The following ASTN1 variants were observed in gnomAD, a reference collection of about 807,000 sequenced individuals.
ASTN1 encodes astrotactin-1.
A neutral mutation model predicts 140.7 loss-of-function variants in ASTN1; 41 were observed. The observed-to-expected ratio is 0.29, with a 90% CI of 0.23 to 0.38. ASTN1 has a LOEUF of 0.38. ASTN1 is among the 10% of genes least tolerant of loss of function. The pLI is 1.00. For missense variants in ASTN1, 1,479 were observed against 1,678.8 expected (o/e 0.88, Z 2.08); for synonymous variants, 640 against 652.2 (o/e 0.98, Z 0.29).
At chr1:176,943,003 T>C (rs78097494) in intron 14 of ASTN1, among the ~76,000 whole-genome samples, 4,296 of 151,068 alleles carry the variant, frequency 0.028, 193 homozygotes, top group African/African-American at 0.098. Flanking sequence ...ACTTTCTAAA[T>C]TAACTGAGAC....
chr1:176,933,492 T>C (rs1214534489), intron 16 of ASTN1, among the ~76,000 whole-genome samples: 1 of 152,144 alleles, frequency 6.6e-6, no homozygotes, highest in Non-Finnish European at 1.5e-5. Context: ...CAGATACAAA[T>C]ATACTGGCCA....
intron 16 of ASTN1, among the ~76,000 whole-genome samples, chr1:176,902,116 T>A (rs1669790818): frequency 6.6e-6 from 1 of 152,184 alleles, no homozygotes; most frequent in East Asian, 1.9e-4. Flanking sequence ...ACAGGGCACC[T>A]CCGCAAAATG....
chr1:177,012,288 A>G (rs1296574576), intron 8 of ASTN1, among the ~76,000 whole-genome samples: 1 of 152,198 alleles, frequency 6.6e-6, no homozygotes, highest in Admixed American at 6.5e-5. Context: ...GATGTATGGC[A>G]TCTTATACTT....
chr1:176,864,985 C>A lies in ASTN1; in HGVS notation c.3648-464G>T, dbSNP rs1571427689. ...AACTGAAAAGGATATTAGATGTGAC[C>A]AATTATGCCTGGATGGAAGTAGCCA... On this transcript the variant is annotated intron_variant, in intron 22 of 22. Transcript: ENST00000361833. 1.3e-5 allele frequency among the ~76,000 whole-genome samples: 2 copies of A among 152,228 alleles called. 1 individual carries two copies. The highest frequency in any genetic ancestry group is 4.1e-4 in the South Asian group (2 of 4,824).
chr1:177,038,636 G>A (rs538337664), intron 2 of ASTN1, among the ~76,000 whole-genome samples: 1 of 152,108 alleles, frequency 6.6e-6, no homozygotes, highest in South Asian at 2.1e-4. Context: ...CAGCTGCTTG[G>A]GTGACTCATT....
chr1:177,044,124 T>C (rs1677099949), intron 2 of ASTN1, among the ~76,000 whole-genome samples: 1 of 151,458 alleles, frequency 6.6e-6, no homozygotes, highest in African/African-American at 2.4e-5. Flanking sequence ...AAAGCTACTG[T>C]ACAAGTCTTC....
intron 16 of ASTN1, among the ~76,000 whole-genome samples, chr1:176,924,700 TTACATA>T (rs1670880815): frequency 6.6e-6 from 1 of 152,160 alleles, no homozygotes; most frequent in Non-Finnish European, 1.5e-5. Context: ...AAGACAAAGT[TTACATA>T]TCTGGAGTAG....
In ASTN1 at chr1:176,923,519, T is replaced by TTA. The variant is rs1430682347; in HGVS notation, c.2671+10631_2671+10632dup. Among the ~76,000 whole-genome samples the TTA allele has an allele frequency of 2.0e-5, 3 of 152,270 alleles. No individual in the cohort carries two copies. The South Asian group carries it at 6.2e-4, about 32-fold the overall frequency. ...TTTTGTTTTCTGCCACTTCAGCTAA[T>TTA]TATAGTCAACTCCAGTCCAGAAATA... On this transcript the variant is annotated intron_variant, in intron 16 of 22. Transcript: ENST00000361833.
Position 176,894,292 on chromosome 1 carries a change from C to T in ASTN1, c.2940+270G>A, listed in dbSNP as rs148720326. Reference sequence around the variant, plus strand: ...GATTTTGATGATGGCAAATGTTGTGCCTCCCTACTTGCTTTCTTCCAGCCC... The same window carrying T: ...GATTTTGATGATGGCAAATGTTGTGTCTCCCTACTTGCTTTCTTCCAGCCC... On this transcript the variant is annotated intron_variant, in intron 17 of 22. Coordinates refer to ENST00000361833, the MANE Select transcript of ASTN1 (RefSeq NM_004319.3). 3.2e-3 allele frequency among the ~76,000 whole-genome samples: 487 copies of T among 152,224 alleles called. 2 individuals are homozygous for T. Among genetic ancestry groups the T allele is most frequent in the Non-Finnish European group, 5.7e-3 (390 of 68,010 alleles).
intron 22 of ASTN1, among the ~76,000 whole-genome samples, chr1:176,867,655 C>T (rs184095842): frequency 2.0e-5 from 3 of 152,194 alleles, no homozygotes; most frequent in Non-Finnish European, 4.4e-5. Context: ...AGATCTTACA[C>T]ATAAAATCAT....
chr1:177,075,273 C>T (rs1259304103), intron 1 of ASTN1, among the ~76,000 whole-genome samples: 1 of 151,962 alleles, frequency 6.6e-6, no homozygotes, highest in Non-Finnish European at 1.5e-5. Flanking sequence ...GGGGTTTCAC[C>T]ATGTTGGTCA....
chr1:177,058,353 CT>C (rs1677911930), intron 2 of ASTN1, among the ~76,000 whole-genome samples: 1 of 152,124 alleles, frequency 6.6e-6, no homozygotes, highest in South Asian at 2.1e-4. Context: ...TGCCTATGCC[CT>C]TTTGTCCTCT....
chr1:177,054,553 G>T (rs1395496499), intron 2 of ASTN1, among the ~76,000 whole-genome samples: 1 of 152,230 alleles, frequency 6.6e-6, no homozygotes, highest in African/African-American at 2.4e-5. Flanking sequence ...ACCACCAGGG[G>T]AAGGCTAGGA....
chr1:177,023,152 T>C (rs1424286757), intron 7 of ASTN1, among the ~76,000 whole-genome samples: 1 of 152,204 alleles, frequency 6.6e-6, no homozygotes, highest in Non-Finnish European at 1.5e-5. Context: ...AAATGGGTTA[T>C]GGAAGTCATC....
chr1:177,111,410 T>A (rs967236017), intron 1 of ASTN1, among the ~76,000 whole-genome samples: 1 of 151,562 alleles, frequency 6.6e-6, no homozygotes, highest in African/African-American at 2.4e-5. Flanking sequence ...TTAAAATGAA[T>A]GTCTGATTCA....
chr1:176,970,797 T>C (rs1257031356), intron 8 of ASTN1, among the ~76,000 whole-genome samples: 1 of 151,538 alleles, frequency 6.6e-6, no homozygotes, highest in Non-Finnish European at 1.5e-5. Context: ...GATGGGATAT[T>C]TCATTCAGAA....
rs533456321 is a variant in ASTN1 at position 177,027,388 on chromosome 1, T to C, written c.1120+2246A>G. ...GACTTGCTACGGATATTCCTGACTC[T>C]ATGGTCTTTCTGCATCATCGACCCA... On this transcript the variant is annotated intron_variant, in intron 5 of 22. Coordinates refer to ENST00000361833, the MANE Select transcript of ASTN1 (RefSeq NM_004319.3). Among the ~76,000 whole-genome samples the C allele has an allele frequency of 2.0e-5, 3 of 152,102 alleles. No individual in the cohort carries two copies. In the East Asian group the frequency reaches 5.8e-4, roughly 29 times the overall value.
At chr1:177,135,809 C>T (rs533970105) in intron 1 of ASTN1, among the ~76,000 whole-genome samples, 1 of 152,260 alleles carries the variant, frequency 6.6e-6, no homozygotes, top group South Asian at 2.1e-4. Context: ...TCTCATGACC[C>T]AGTAGCATGG....
intron 20 of ASTN1, among the ~76,000 whole-genome samples, chr1:176,877,435 C>A (rs948676723): frequency 3.9e-5 from 6 of 152,210 alleles, no homozygotes; most frequent in Non-Finnish European, 5.9e-5. Flanking sequence ...CTCTGAGATA[C>A]TGCCCACTGT....
Sources: allele counts gnomAD v4.1 joint callset (sites outside exome capture counted in the v4.1 genomes callset), GRCh38; gene constraint gnomAD v4.1.1; transcripts MANE v1.5; gene names NCBI Gene and HGNC (gene_info 2026-07-23, HGNC 2026-07-21).